The following TMEM51 variants were observed in gnomAD, a reference collection of about 807,000 sequenced individuals.
TMEM51 encodes the protein transmembrane protein 51.
A neutral mutation model predicts 13.6 loss-of-function variants in TMEM51; 8 were observed. The ratio of observed to expected loss-of-function variants is 0.59; its 90% CI spans 0.35 to 1.07. The LOEUF (loss-of-function observed/expected upper bound fraction) is 1.07, where lower values mean the gene tolerates loss of function less well. Ranked by LOEUF, TMEM51 falls within the 50% of genes least tolerant of loss-of-function variation. The pLI is 0.02. For synonymous variants in TMEM51, 147 were observed against 144.4 expected (o/e 1.02, Z -0.13); for missense variants, 279 against 330.7 (o/e 0.84, Z 1.21).
chr1:15,181,849 G>T (rs984739626), intron 1 of TMEM51, among the ~76,000 whole-genome samples: 2 of 152,140 alleles, frequency 1.3e-5, no homozygotes, highest in African/African-American at 4.8e-5. Flanking sequence ...CTCCACGAGG[G>T]CTGGTTTATA....
chr1:15,199,555 A>T (rs969484457), intron 1 of TMEM51, among the ~76,000 whole-genome samples: 1 of 152,192 alleles, frequency 6.6e-6, no homozygotes, highest in African/African-American at 2.4e-5. Context: ...CACCAAACAC[A>T]GAAGAGGAAA....
chr1:15,192,241 C>T, intron 1 of TMEM51: 4 of 377,724 alleles, frequency 1.1e-5, no homozygotes, highest in Non-Finnish European at 5.3e-6. Context: ...ATCTGGTGGT[C>T]TTTCACTTAG....
At chr1:15,155,506 G>A (rs992989350) in intron 1 of TMEM51, among the ~76,000 whole-genome samples, 2 of 152,238 alleles carry the variant, frequency 1.3e-5, no homozygotes, top group Non-Finnish European at 2.9e-5. Context: ...GGGCTTAGAC[G>A]AGAACAGAAG....
intron 1 of TMEM51, among the ~76,000 whole-genome samples, chr1:15,164,872 G>A (rs970288417): frequency 3.4e-5 from 5 of 146,504 alleles, no homozygotes; most frequent in East Asian, 2.0e-4. Context: ...GCACAATCTC[G>A]GCTCACTGCA....
At chr1:15,201,383 TATATA>T (rs1436818998) in intron 1 of TMEM51, among the ~76,000 whole-genome samples, 1 of 150,944 alleles carries the variant, frequency 6.6e-6, no homozygotes, top group African/African-American at 2.4e-5. Context: ...GAAAAGTAAA[TATATA>T]ATGAGTATTA....
chr1:15,158,017 T>G (rs985574867), intron 1 of TMEM51, among the ~76,000 whole-genome samples: 2 of 152,192 alleles, frequency 1.3e-5, no homozygotes, highest in Admixed American at 6.5e-5. Context: ...AGTCTTGAAC[T>G]CCTGGGCTCA....
intron 1 of TMEM51, among the ~76,000 whole-genome samples, chr1:15,162,963 A>T (rs1195201282): frequency 1.3e-5 from 2 of 150,718 alleles, no homozygotes; most frequent in African/African-American, 4.9e-5. Context: ...GTATGAATGT[A>T]CTTAATGCCA....
rs146784053 is a variant in TMEM51 at position 15,199,015 on chromosome 1, GT to G, written c.-266-11471del. Among the ~76,000 whole-genome samples the G allele has an allele frequency of 2.1e-3, 327 of 152,276 alleles. 2 individuals carry two copies. The highest frequency in any genetic ancestry group is 7.5e-3 in the African/African-American group (313 of 41,560). On this transcript the variant is annotated intron_variant, in intron 1 of 3. Coordinates refer to ENST00000376008, the MANE Select transcript of TMEM51 (RefSeq NM_001136218.2). Reference sequence around the variant, plus strand: ...TGTGCCCACTGAGCCCTGTGAAATCGTTTTCCAGCATGGAAGTTTCACCAGG... The same window carrying G: ...TGTGCCCACTGAGCCCTGTGAAATCGTTTCCAGCATGGAAGTTTCACCAGG...
intron 1 of TMEM51, among the ~76,000 whole-genome samples, chr1:15,162,724 C>T (rs576105872): frequency 4.6e-5 from 7 of 151,930 alleles, no homozygotes; most frequent in East Asian, 1.9e-4. Flanking sequence ...GCAACATGGA[C>T]GAACCTTGAG....
At chr1:15,177,962 T>C (rs1253422015) in intron 1 of TMEM51, among the ~76,000 whole-genome samples, 3 of 152,188 alleles carry the variant, frequency 2.0e-5, no homozygotes, top group Admixed American at 2.0e-4. Context: ...ACACGACTTA[T>C]CAAACCCTTT....
chr1:15,191,864 A>T (rs1385755395), intron 1 of TMEM51: 3 of 427,018 alleles, frequency 7.0e-6, no homozygotes, highest in Non-Finnish European at 9.3e-6. Context: ...AGAAAGCTAC[A>T]GTAATTGACT....
intron 1 of TMEM51, among the ~76,000 whole-genome samples, chr1:15,186,812 C>T (rs1643790870): frequency 9.5e-6 from 1 of 105,366 alleles, no homozygotes; most frequent in African/African-American, 3.1e-5. Flanking sequence ...AGAGGGCAGG[C>T]CAGGGGGCAG....
intron 1 of TMEM51, chr1:15,168,518 T>A (rs1279706855): frequency 4.6e-6 from 6 of 1,304,764 alleles, no homozygotes; most frequent in Admixed American, 2.3e-5. Context: ...GTTTTATGAT[T>A]GGAAGCTGGT....
intron 2 of TMEM51, among the ~76,000 whole-genome samples, chr1:15,213,635 A>G (rs1644377082): frequency 6.6e-6 from 1 of 152,156 alleles, no homozygotes; most frequent in Non-Finnish European, 1.5e-5. Flanking sequence ...GAATCCCAGG[A>G]CCGCTGGCTG....
intron 1 of TMEM51, among the ~76,000 whole-genome samples, chr1:15,193,203 G>A (rs2100282154): frequency 6.6e-6 from 1 of 152,356 alleles, no homozygotes; most frequent in African/African-American, 2.4e-5. Flanking sequence ...AGCCATTCCA[G>A]GTGACCCATG....
intron 2 of TMEM51, among the ~76,000 whole-genome samples, chr1:15,211,212 C>T (rs890055935): frequency 6.6e-6 from 1 of 152,104 alleles, no homozygotes; most frequent in African/African-American, 2.4e-5. Context: ...CAACCTTTTC[C>T]GCCACCTTGC....
Position 15,219,810 on chromosome 1 carries a change from C to A in TMEM51, c.*67C>A. On this transcript the variant is annotated 3_prime_UTR_variant, in exon 4 of 4. Transcript: ENST00000376008. ...TTTCACCCCCAAGACTCTAACAAAG[C>A]CACATGAGCCACAGTTGAGAAGCGG... 2 of 1,530,412 alleles carry A rather than the reference C, an allele frequency of 1.3e-6. No homozygotes were observed. The highest frequency in any genetic ancestry group is 2.5e-5 in the South Asian group (2 of 81,146). The allele number at this position is 1,530,412 out of a possible 1,614,324, so 94.8% of individuals were successfully genotyped here. A position where few individuals can be genotyped will look rare whatever the true frequency, so the allele number is the denominator to read the frequency against.
intron 2 of TMEM51, among the ~76,000 whole-genome samples, chr1:15,213,962 CT>C (rs1333689725): frequency 6.6e-6 from 1 of 151,920 alleles, no homozygotes; most frequent in Non-Finnish European, 1.5e-5. Flanking sequence ...CTGCCTCAGC[CT>C]CCCAAATAGT....
In TMEM51 at chr1:15,207,780, C is replaced by T. The variant is rs1644276642; in HGVS notation, c.-266-2710C>T. On this transcript the variant is annotated intron_variant, in intron 1 of 3. Coordinates refer to ENST00000376008, the MANE Select transcript of TMEM51 (RefSeq NM_001136218.2). This position sits in a 1 kb window ranked among gnomAD's most constrained non-coding sequence, Gnocchi z 4.6. ...AAACCTCCAGCCCCACCAGGGAATA[C>T]TGATACAGTCACTTTCTCAGGTCAC... Among the ~76,000 whole-genome samples, 1 of 152,238 alleles carries T rather than the reference C, an allele frequency of 6.6e-6. No individual in the cohort carries two copies.
Sources: gnomAD v4.1 joint callset for allele counts (sites outside exome capture counted in the v4.1 genomes callset) on GRCh38, gnomAD v4.1.1 for gene constraint, Gnocchi (gnomAD v3.1) non-coding constraint, MANE v1.5 for transcripts, NCBI Gene and HGNC (gene_info 2026-07-23, HGNC 2026-07-21) for gene names.